NUMA1: variants seen among roughly 807,000 people sequenced by gnomAD.
NUMA1 encodes the protein SP-H antigen.
NUMA1 carries 62 observed loss-of-function variants against 237.1 expected under a neutral mutation model. That is an observed-to-expected ratio of 0.26 (90% CI 0.21 to 0.32). The LOEUF is 0.32. NUMA1 is among the 10% of genes least tolerant of loss of function. The pLI, the probability that NUMA1 is intolerant of heterozygous loss-of-function variation, is 1.00. For synonymous variants in NUMA1, 1,028 were observed against 1,066.1 expected (o/e 0.96, Z 0.70); for missense variants, 2,533 against 2,666.5 (o/e 0.95, Z 1.10).
chr11:72,040,465 CACACACACACACACACACA>C (rs1941539966), intron 2 of NUMA1: 4 of 90,246 alleles, frequency 4.4e-5, no homozygotes, highest in Non-Finnish European at 8.5e-5. Flanking sequence ...CACACACACA[CACACACACACACACACACA>C]CACACACACA....
At chr11:72,007,472 C>G (rs200238731) in intron 20 of NUMA1, 37 bp from the exon 21 acceptor site, 3 of 1,607,694 alleles carry the variant, frequency 1.9e-6, no homozygotes, top group African/African-American at 2.7e-5. Flanking sequence ...CAGTCCTTCA[C>G]GCTAGAAGGC....
intron 2 of NUMA1, 158 bp from the exon 3 acceptor site, chr11:72,036,133 C>A: frequency 1.6e-6 from 1 of 622,636 alleles, no homozygotes; most frequent in South Asian, 1.9e-5. Flanking sequence ...GCTGAGTACA[C>A]ATGACAATTA....
chr11:72,051,167 G>A (rs536399651), intron 2 of NUMA1, among the ~76,000 whole-genome samples: 81 of 152,194 alleles, frequency 5.3e-4, no homozygotes, highest in Middle Eastern at 3.4e-3. Flanking sequence ...GGAATTAAAC[G>A]GTGTGAGCCA....
At chr11:72,067,210 T>G (rs1345400977) in intron 2 of NUMA1, 1 of 152,160 alleles carries the variant, frequency 6.6e-6, no homozygotes, top group Non-Finnish European at 1.5e-5. Context: ...GCCTGTAGGA[T>G]CTAAGTATTG....
chr11:72,044,602 TG>T (rs5792571), intron 2 of NUMA1, among the ~76,000 whole-genome samples: 125,575 of 139,480 alleles, frequency 0.9, 56,562 homozygotes, highest in Non-Finnish European at 0.94. Flanking sequence ...GGGGTTACTT[TG>T]GGGGGGGGGA....
At chr11:72,076,840 G>A (rs1943733095) in intron 1 of NUMA1, 1 of 151,274 alleles carries the variant, frequency 6.6e-6, no homozygotes, top group Middle Eastern at 3.2e-3. Context: ...TCTGTATCTT[G>A]ATTATGGCTG....
chr11:72,027,828 C>G (rs1325386085), intron 4 of NUMA1, among the ~76,000 whole-genome samples: 1 of 152,068 alleles, frequency 6.6e-6, no homozygotes, highest in East Asian at 1.9e-4. Flanking sequence ...GGCCTAGTAT[C>G]CAGAATGAGG....
In NUMA1 at chr11:72,023,061, G is replaced by T. The variant is rs1395647926; in HGVS notation, c.291+4C>A. On this transcript the variant is annotated splice_donor_region_variant and intron_variant, in intron 6 of 26. Coordinates refer to ENST00000393695, the MANE Select transcript of NUMA1 (RefSeq NM_006185.4). ...GCCTCCCCAGTCTGGTATTCCATAG[G>T]TACCTTCGCCAGTTCCAGCTCTGAT... 4 of 1,610,684 alleles carry T rather than the reference G, an allele frequency of 2.5e-6. No individual in the cohort carries two copies. Among genetic ancestry groups the T allele is most frequent in the Non-Finnish European group, 3.4e-6 (4 of 1,177,144 alleles).
intron 2 of NUMA1, among the ~76,000 whole-genome samples, chr11:72,064,033 A>G (rs1166887842): frequency 1.3e-5 from 2 of 152,214 alleles, no homozygotes; most frequent in African/African-American, 4.8e-5. Context: ...TCTGAAATAC[A>G]AAGATATATG....
At chr11:72,030,372 A>G (rs947068218) in intron 3 of NUMA1, among the ~76,000 whole-genome samples, 4 of 149,558 alleles carry the variant, frequency 2.7e-5, no homozygotes, top group South Asian at 2.2e-4. Context: ...AGAAAAAAAA[A>G]GGGGGCGGTG....
Position 72,014,698 on chromosome 11 carries a change from C to T in NUMA1, c.2805G>A (p.Arg935=). 1 of 1,613,892 alleles carries T rather than the reference C, an allele frequency of 6.2e-7. No individual in the cohort carries two copies. The highest frequency in any genetic ancestry group is 8.5e-7 in the Non-Finnish European group (1 of 1,180,040). Reference sequence around the variant, plus strand: ...CCCTCGCAGGCTCCTTGACTAACTCCCGGGAGGCTGTTTCCTGCTGCTCAC... The same window carrying T: ...CCCTCGCAGGCTCCTTGACTAACTCTCGGGAGGCTGTTTCCTGCTGCTCAC... The part of the protein sequence containing the change: ...KAGEQQETAS[R]ELVKEPARAG... The change falls in exon 15 of 27, where the codon CGG becomes CGA. Residue 935 remains arginine, a synonymous_variant. Transcript: ENST00000393695. This position sits in a 1 kb window ranked among gnomAD's most constrained non-coding sequence, Gnocchi z 4.6.
chr11:72,014,554 C>G lies in NUMA1; in HGVS notation c.2949G>C (p.Arg983=). Residue 983 remains arginine, a synonymous_variant, in exon 15 of 27, where the codon CGG becomes CGC. Coordinates refer to ENST00000393695, the MANE Select transcript of NUMA1 (RefSeq NM_006185.4). The surrounding 1 kb of genome is among the most constrained non-coding windows in gnomAD (Gnocchi z 4.6). ...GGCTCTCCATCAGCGCGGCCCGCAG[C>G]CGTTCCAGCTCATTGCCCATCTGCT... The part of the protein sequence containing the change: ...EAEQMGNELE[R]LRAALMESQG... 2 of 1,602,964 alleles carry G rather than the reference C, an allele frequency of 1.2e-6. No individual in the cohort carries two copies. The highest frequency in any genetic ancestry group is 1.7e-6 in the Non-Finnish European group (2 of 1,179,986).
chr11:72,070,891 C>T (rs983021959), intron 1 of NUMA1, among the ~76,000 whole-genome samples: 12 of 152,300 alleles, frequency 7.9e-5, no homozygotes, highest in South Asian at 2.1e-4. Context: ...GTGAGCATCA[C>T]GATAACCTTT....
At chr11:72,079,714 G>C (rs184349289) in intron 1 of NUMA1, among the ~76,000 whole-genome samples, 238 of 146,180 alleles carry the variant, frequency 1.6e-3, no homozygotes, top group Non-Finnish European at 1.1e-3. Context: ...TTATCTGTGA[G>C]AGTCCATGGA....
At chr11:72,019,397 C>CTAAG in intron 9 of NUMA1, 97 bp downstream of exon 9, 6 of 1,504,310 alleles carry the variant, frequency 4.0e-6, no homozygotes, top group Non-Finnish European at 4.5e-6. Flanking sequence ...TCTAAGCACT[C>CTAAG]CCAGAGGCTG....
intron 2 of NUMA1, among the ~76,000 whole-genome samples, chr11:72,056,428 TCTC>T (rs1190208603): frequency 6.6e-6 from 1 of 151,134 alleles, no homozygotes; most frequent in African/African-American, 2.4e-5. Context: ...TTCAAGCGAT[TCTC>T]CTGCCTCAAC....
At position 72,049,560 on chromosome 11, in the gene NUMA1, A is replaced by AATAATATATATAT. The variant is rs1555034473; in HGVS notation, c.-32-13586_-32-13585insATATATATATTAT. The AATAATATATATAT allele has an allele frequency of 5.8e-3, 238 of 41,008 alleles. 8 individuals carry two copies. Among genetic ancestry groups the AATAATATATATAT allele is most frequent in the African/African-American group, 0.019 (228 of 11,828 alleles). The allele number at this position is 41,008 out of a possible 1,614,324, so 2.5% of individuals were successfully genotyped here. A position where few individuals can be genotyped will look rare whatever the true frequency, so the allele number is the denominator to read the frequency against. ...CCTGTCTAAAAAAAAAAATAATAAT[A>AATAATATATATAT]ATATATATATATATATATATATAGT... On this transcript the variant is annotated intron_variant, in intron 2 of 26. Transcript: ENST00000393695.
intron 2 of NUMA1, among the ~76,000 whole-genome samples, chr11:72,053,364 CTG>C (rs1465437988): frequency 5.9e-5 from 9 of 152,228 alleles, no homozygotes; most frequent in African/African-American, 2.2e-4. Flanking sequence ...AAATCACAAA[CTG>C]TGTGCTCACC....
chr11:72,008,018 C>A, intron 20 of NUMA1: 1 of 443,694 alleles, frequency 2.3e-6, no homozygotes, highest in Non-Finnish European at 4.5e-6. Context: ...AGCTCTACCA[C>A]TGGGGAACCT....
Sources: gnomAD v4.1 joint callset for allele counts (sites outside exome capture counted in the v4.1 genomes callset) on GRCh38, gnomAD v4.1.1 for gene constraint, Gnocchi (gnomAD v3.1) non-coding constraint, MANE v1.5 for transcripts, NCBI Gene and HGNC (gene_info 2026-07-23, HGNC 2026-07-21) for gene names.